The following APP variants were observed in gnomAD, a reference collection of about 807,000 sequenced individuals.
The protein encoded by APP is amyloid-beta precursor protein.
APP carries 31 observed loss-of-function variants against 101.4 expected under a neutral mutation model. That is an observed-to-expected ratio of 0.31 (90% CI 0.23 to 0.41). The LOEUF (loss-of-function observed/expected upper bound fraction) is 0.41. Among genes scored for constraint, APP ranks in the 10% least tolerant of loss-of-function variants. The probability of loss-of-function intolerance (pLI) is 1.00; values close to 1 mark genes in which losing one functional copy is unlikely to be tolerated. For synonymous variants in APP, 366 were observed against 364.4 expected (o/e 1.00, Z -0.05); for missense variants, 839 against 1,003.7 (o/e 0.84, Z 2.22).
rs936288184 is a variant in APP at position 25,995,723 on chromosome 21, A to C, written c.1090+1637T>G. ...GCTGTACTTACAGTGTTTTTAGAGA[A>C]AAATGCTTTTTTCACAACAGCAAAA... On this transcript the variant is annotated intron_variant, in intron 8 of 17. Coordinates refer to ENST00000346798, the MANE Select transcript of APP (RefSeq NM_000484.4). Among the ~76,000 whole-genome samples, 3 of 152,220 alleles carry C rather than the reference A, an allele frequency of 2.0e-5. No individual in the cohort carries two copies. The East Asian group carries it at 5.8e-4, about 29-fold the overall frequency.
At chr21:25,902,755 C>G (rs966904199) in intron 15 of APP, among the ~76,000 whole-genome samples, 5 of 152,194 alleles carry the variant, frequency 3.3e-5, no homozygotes, top group African/African-American at 1.2e-4. Flanking sequence ...CTTAATGTTG[C>G]TTTGTATTTC....
intron 1 of APP, among the ~76,000 whole-genome samples, chr21:26,140,968 A>T (rs1176811956): frequency 6.6e-6 from 1 of 152,248 alleles, no homozygotes; most frequent in African/African-American, 2.4e-5. Context: ...TTGGAATGAG[A>T]CTGCATAGGT....
intron 11 of APP, among the ~76,000 whole-genome samples, chr21:25,957,612 C>T (rs1253312962): frequency 1.3e-5 from 2 of 151,696 alleles, no homozygotes; most frequent in African/African-American, 4.8e-5. Flanking sequence ...TGGATGCTTT[C>T]TTAGTTGCTC....
chr21:25,982,259 C>T (rs2042460442), intron 9 of APP, 85 bp downstream of exon 9: 3 of 1,394,634 alleles, frequency 2.2e-6, no homozygotes, highest in East Asian at 2.3e-5. Flanking sequence ...TTGATAAAGC[C>T]AGCAGGCCTG....
intron 6 of APP, among the ~76,000 whole-genome samples, chr21:26,019,092 C>G (rs2044221835): frequency 6.6e-6 from 1 of 152,200 alleles, no homozygotes; most frequent in Non-Finnish European, 1.5e-5. Context: ...TGATGTCACT[C>G]CTTGTTCACC....
chr21:26,014,459 T>C (rs191220554), intron 6 of APP, among the ~76,000 whole-genome samples: 20 of 152,248 alleles, frequency 1.3e-4, no homozygotes, highest in Admixed American at 7.8e-4. Context: ...ACCCAGTAAA[T>C]CCCTATTCTT....
intron 5 of APP, among the ~76,000 whole-genome samples, chr21:26,042,724 A>G (rs34038714): frequency 0.062 from 9,432 of 150,980 alleles, 363 homozygotes; most frequent in African/African-American, 0.099. Flanking sequence ...CAACATAGTG[A>G]GACCCCTGTC....
At chr21:26,122,456 C>T (rs956229714) in intron 1 of APP, among the ~76,000 whole-genome samples, 1 of 152,140 alleles carries the variant, frequency 6.6e-6, no homozygotes, top group African/African-American at 2.4e-5. Flanking sequence ...GAGCAGCTAT[C>T]GGGGGATAAG....
intron 15 of APP, among the ~76,000 whole-genome samples, chr21:25,901,230 G>A (rs2038447879): frequency 6.7e-6 from 1 of 149,504 alleles, no homozygotes; most frequent in Admixed American, 6.8e-5. Context: ...CCCAGGAAAT[G>A]GGGGTTGCAG....
intron 1 of APP, among the ~76,000 whole-genome samples, chr21:26,150,832 T>C (rs2063253767): frequency 6.6e-6 from 1 of 152,252 alleles, no homozygotes; most frequent in African/African-American, 2.4e-5. Flanking sequence ...GTGATGTTGA[T>C]AGTGTAAGAA....
intron 3 of APP, among the ~76,000 whole-genome samples, chr21:26,079,314 T>C (rs556877564): frequency 2.0e-5 from 3 of 152,216 alleles, no homozygotes; most frequent in East Asian, 3.9e-4. Context: ...AAAGAGAAAA[T>C]TCCACGACAA....
At chr21:25,956,853 C>T (rs2041344760) in intron 11 of APP, among the ~76,000 whole-genome samples, 1 of 152,108 alleles carries the variant, frequency 6.6e-6, no homozygotes, top group Non-Finnish European at 1.5e-5. Flanking sequence ...AACGAGGTAC[C>T]CTTTTTCTGT....
chr21:26,155,878 T>G (rs2063364701), intron 1 of APP, among the ~76,000 whole-genome samples: 1 of 151,774 alleles, frequency 6.6e-6, no homozygotes, highest in East Asian at 1.9e-4. Context: ...AAGCCTGTAG[T>G]CCCAGCTACT....
At chr21:25,909,652 T>G (rs1403808841) in intron 14 of APP, among the ~76,000 whole-genome samples, 1 of 152,202 alleles carries the variant, frequency 6.6e-6, no homozygotes, top group Non-Finnish European at 1.5e-5. Context: ...AGGTATGCTG[T>G]TAGTAAAAGA....
intron 5 of APP, among the ~76,000 whole-genome samples, chr21:26,040,877 T>A (rs900633866): frequency 4.6e-5 from 7 of 152,206 alleles, no homozygotes; most frequent in African/African-American, 1.7e-4. Flanking sequence ...CAGGTGATCA[T>A]GGCTTTGGCT....
intron 3 of APP, among the ~76,000 whole-genome samples, chr21:26,064,055 C>G (rs530349368): frequency 1.3e-5 from 2 of 152,142 alleles, no homozygotes; most frequent in South Asian, 4.1e-4. Context: ...AGAGGGGAAT[C>G]CTACAAATTA....
chr21:25,957,057 C>T (rs535278049), intron 11 of APP, among the ~76,000 whole-genome samples: 4 of 152,268 alleles, frequency 2.6e-5, no homozygotes, highest in African/African-American at 9.6e-5. Flanking sequence ...GCCACAGAGG[C>T]CATGCTACTG....
intron 3 of APP, among the ~76,000 whole-genome samples, chr21:26,081,898 C>T (rs185265160): frequency 6.6e-6 from 1 of 152,256 alleles, no homozygotes; most frequent in East Asian, 1.9e-4. Context: ...GTGATCATAT[C>T]TGAATGTCAG....
intron 1 of APP, among the ~76,000 whole-genome samples, chr21:26,155,369 A>C (rs971950002): frequency 6.6e-6 from 1 of 152,186 alleles, no homozygotes; most frequent in Non-Finnish European, 1.5e-5. Context: ...TTTTATATTG[A>C]CCCCCTGTTG....
Sources: gnomAD v4.1 joint callset for allele counts (sites outside exome capture counted in the v4.1 genomes callset) on GRCh38, gnomAD v4.1.1 for gene constraint, MANE v1.5 for transcripts, NCBI Gene and HGNC (gene_info 2026-07-23, HGNC 2026-07-21) for gene names.